Variants in C12orf42 observed in about 807,000 individuals in gnomAD.
The protein encoded by C12orf42 is chromosome 12 open reading frame 42.
In C12orf42, 25 loss-of-function variants were observed where a neutral mutation model predicts 21.6. The observed-to-expected ratio is 1.16, with a 90% CI of 0.84 to 1.62. The LOEUF (loss-of-function observed/expected upper bound fraction) is 1.62, where lower values mean the gene tolerates loss of function less well. Ranked by LOEUF, C12orf42 falls within the 40% of genes most tolerant of loss-of-function variation. C12orf42 has a pLI of 0.00. For synonymous variants in C12orf42, 174 were observed against 175.0 expected (o/e 0.99, Z 0.05); for missense variants, 483 against 459.3 (o/e 1.05, Z -0.47).
At chr12:103,130,254 A>G in the C12orf42 span, among the ~76,000 whole-genome samples, 2 of 151,522 alleles carry the variant, frequency 1.3e-5, no homozygotes, top group Non-Finnish European at 2.9e-5. Flanking sequence ...AAGTGAAGGA[A>G]AATAGCTTCT....
chr12:103,207,691 C>CGGG, the C12orf42 span, among the ~76,000 whole-genome samples: 1 of 152,162 alleles, frequency 6.6e-6, no homozygotes, highest in Non-Finnish European at 1.5e-5. Flanking sequence ...TTTCTTGCCC[C>CGGG]GACACCTGAA....
the C12orf42 span, chr12:103,550,751 T>C: frequency 2.0e-5 from 3 of 152,164 alleles, no homozygotes; most frequent in African/African-American, 7.2e-5. Flanking sequence ...TCAGAAAACA[T>C]CATATGTATC....
chr12:103,069,675 G>A, the C12orf42 span, among the ~76,000 whole-genome samples: 1 of 151,458 alleles, frequency 6.6e-6, no homozygotes. Context: ...TCGTAAGTCA[G>A]GGGCTGTCTG....
chr12:103,068,367 C>A, the C12orf42 span, among the ~76,000 whole-genome samples: 5 of 152,062 alleles, frequency 3.3e-5, no homozygotes, highest in Non-Finnish European at 7.4e-5. Context: ...TCTGGTTGTA[C>A]AAAGGATAGT....
chr12:103,049,036 C>T, the C12orf42 span, among the ~76,000 whole-genome samples: 3 of 152,192 alleles, frequency 2.0e-5, no homozygotes, highest in South Asian at 2.1e-4. Context: ...AACTCATTCT[C>T]CTGATGATTT....
chr12:103,199,037 C>A, the C12orf42 span, among the ~76,000 whole-genome samples: 1 of 152,200 alleles, frequency 6.6e-6, no homozygotes. Context: ...AAGCTGGAAA[C>A]ATCACACTAC....
In C12orf42 at chr12:103,302,455, C is replaced by T. The variant is rs1717385866; in HGVS notation, c.736G>A (p.Glu246Lys). Reference sequence around the variant, plus strand: ...GCGCCTGCTGGGACTGCCATCCTCTCCTCCGGCTCGAGCTCTGTGTTACTC... The same window carrying T: ...GCGCCTGCTGGGACTGCCATCCTCTTCTCCGGCTCGAGCTCTGTGTTACTC... Reference protein sequence around the residue: ...GPSNTELEPEERMAVPAGAQA... With the variant: ...GPSNTELEPEKRMAVPAGAQA... Residue 246 changes from glutamate to lysine, a missense_variant, in exon 6 of 6, where the codon GAG (glutamate) becomes AAG (lysine). By Grantham distance (56) the Glu-to-Lys change is moderately conservative (BLOSUM62 1). Coordinates refer to ENST00000548883, the MANE Select transcript of C12orf42 (RefSeq NM_198521.5). 3.1e-6 allele frequency: 5 copies of T among 1,613,834 alleles called. No individual in the cohort carries two copies. Among genetic ancestry groups the T allele is most frequent in the Non-Finnish European group, 4.2e-6 (5 of 1,179,862 alleles).
At position 103,424,715 on chromosome 12, in the gene C12orf42, C is replaced by T. The variant is rs532901481; in HGVS notation, c.79-23040G>A. Reference sequence around the variant, plus strand: ...CTCGGGTACCTACACTACCAGGGCCCTGGGTTTCAAGCACAAACTGGGCAG... The same window carrying T: ...CTCGGGTACCTACACTACCAGGGCCTTGGGTTTCAAGCACAAACTGGGCAG... On this transcript the variant is annotated intron_variant, in intron 2 of 5. Transcript: ENST00000548883. Among the ~76,000 whole-genome samples the T allele has an allele frequency of 8.5e-5, 13 of 152,336 alleles. No individual in the cohort carries two copies. The South Asian group carries it at 2.7e-3, about 32-fold the overall frequency.
At chr12:103,535,157 T>C in the C12orf42 span, among the ~76,000 whole-genome samples, 2 of 152,118 alleles carry the variant, frequency 1.3e-5, no homozygotes, top group African/African-American at 2.4e-5. Flanking sequence ...GGAGTAATCT[T>C]CCCAGAAAGT....
chr12:103,073,169 C>T, the C12orf42 span, among the ~76,000 whole-genome samples: 1 of 151,766 alleles, frequency 6.6e-6, no homozygotes, highest in Non-Finnish European at 1.5e-5. Context: ...CACAGTGGGA[C>T]CTATTGGAGG....
At chr12:103,317,713 C>T (rs1373847344) in intron 4 of C12orf42, among the ~76,000 whole-genome samples, 1 of 151,982 alleles carries the variant, frequency 6.6e-6, no homozygotes, top group Non-Finnish European at 1.5e-5. Flanking sequence ...TTTAACTACA[C>T]TGAGCATTTT....
intron 5 of C12orf42, among the ~76,000 whole-genome samples, chr12:103,271,833 T>C (rs1418420145): frequency 2.0e-5 from 3 of 152,180 alleles, no homozygotes; most frequent in Non-Finnish European, 2.9e-5. Context: ...TGCTGATAGA[T>C]TTTAATAATT....
the C12orf42 span, among the ~76,000 whole-genome samples, chr12:103,223,714 A>C: frequency 1.3e-5 from 2 of 152,150 alleles, no homozygotes; most frequent in African/African-American, 4.8e-5. Context: ...GGCACAGTCT[A>C]AGTTGGTCTG....
the C12orf42 span, among the ~76,000 whole-genome samples, chr12:103,225,894 G>A: frequency 7.2e-5 from 11 of 152,292 alleles, no homozygotes; most frequent in South Asian, 2.1e-4. Context: ...GAAGCTCGGC[G>A]TCCGTGTTGG....
chr12:103,305,314 C>G (rs2136515941), intron 5 of C12orf42, among the ~76,000 whole-genome samples: 1 of 152,248 alleles, frequency 6.6e-6, no homozygotes, highest in South Asian at 2.1e-4. Flanking sequence ...ACATCAGCAC[C>G]ATAAGTACCA....
At chr12:103,244,777 A>G (rs761158315) in intron 10 of C12orf42, among the ~76,000 whole-genome samples, 2 of 151,858 alleles carry the variant, frequency 1.3e-5, no homozygotes, top group Non-Finnish European at 2.9e-5. Flanking sequence ...CTGAGCCCCT[A>G]TCTTGTCATT....
chr12:103,538,464 C>T, the C12orf42 span, among the ~76,000 whole-genome samples: 1 of 152,156 alleles, frequency 6.6e-6, no homozygotes, highest in African/African-American at 2.4e-5. Flanking sequence ...TCTCAGAGTC[C>T]CTTAGAAGGT....
At chr12:103,422,920 C>T (rs1445263363) in intron 2 of C12orf42, among the ~76,000 whole-genome samples, 3 of 151,864 alleles carry the variant, frequency 2.0e-5, no homozygotes, top group Non-Finnish European at 4.4e-5. Context: ...TCACTGCATA[C>T]TGTGTATTTT....
At chr12:103,130,171 T>C in the C12orf42 span, among the ~76,000 whole-genome samples, 2 of 151,888 alleles carry the variant, frequency 1.3e-5, no homozygotes, top group African/African-American at 4.8e-5. Context: ...AAATAATATG[T>C]CTCATCTGAT....
Sources: allele counts gnomAD v4.1 joint callset (sites outside exome capture counted in the v4.1 genomes callset), GRCh38; gene constraint gnomAD v4.1.1; transcripts MANE v1.5; gene names NCBI Gene and HGNC (gene_info 2026-07-23, HGNC 2026-07-21).